MCF2: variants seen among roughly 807,000 people sequenced by gnomAD.
MCF2 encodes MCF.2 cell line derived transforming sequence.
In MCF2, 44 loss-of-function variants were observed where a neutral mutation model predicts 82.5. That is an observed-to-expected ratio of 0.53 (90% CI 0.42 to 0.69). The LOEUF (loss-of-function observed/expected upper bound fraction) is 0.69, where lower values mean the gene tolerates loss of function less well. MCF2 is among the 30% of genes least tolerant of loss of function. The pLI is 0.00. For missense variants in MCF2, 623 were observed against 663.1 expected (o/e 0.94, Z 0.66); for synonymous variants, 217 against 224.9 (o/e 0.96, Z 0.32).
intron 1 of MCF2, among the ~76,000 whole-genome samples, chrX:139,640,273 C>T (rs1933485903): frequency 8.9e-6 from 1 of 111,856 alleles, no homozygotes; most frequent in South Asian, 3.7e-4. Flanking sequence ...GAGATGCTGA[C>T]AGGCACTTGA....
intron 10 of MCF2, among the ~76,000 whole-genome samples, chrX:139,612,760 A>G (rs774844039): frequency 1.8e-5 from 2 of 111,852 alleles, no homozygotes; most frequent in South Asian, 7.5e-4. Context: ...GTTTTGATTT[A>G]ATTTACAAAG....
chrX:139,691,515 G>T (rs772546686), intron 1 of MCF2, among the ~76,000 whole-genome samples: 1 of 111,441 alleles, frequency 9.0e-6, no homozygotes, highest in African/African-American at 3.3e-5. Context: ...GTGAGAAGGG[G>T]ATAGGAGACC....
At position 139,623,353 on chromosome X, in the gene MCF2, T is replaced by C. The variant is rs1932543334; in HGVS notation, c.687+2840A>G. On this transcript the variant is annotated intron_variant, in intron 6 of 24. Transcript: ENST00000370576. Reference sequence around the variant, plus strand: ...AGGTGCCCATCAATGATGGACTGGATAAAGAAAATGTGGTACAAATACATC... The same window carrying C: ...AGGTGCCCATCAATGATGGACTGGACAAAGAAAATGTGGTACAAATACATC... Among the ~76,000 whole-genome samples, 2 of 111,367 alleles carry C rather than the reference T, an allele frequency of 1.8e-5. 1 individual carries two copies. The highest frequency in any genetic ancestry group is 7.6e-4 in the South Asian group (2 of 2,624).
chrX:139,617,671 G>A, exon 8 of MCF2: 1 of 1,193,044 alleles, frequency 8.4e-7, no homozygotes, highest in Non-Finnish European at 1.1e-6. Context: ...TTGTGTCCAT[G>A]TAATATCACA....
chrX:139,705,645 T>C (rs1935575653), intron 1 of MCF2, among the ~76,000 whole-genome samples: 1 of 112,404 alleles, frequency 8.9e-6, no homozygotes, highest in Non-Finnish European at 1.9e-5. Flanking sequence ...CTTTTCGACA[T>C]TGGCCTTGGT....
chrX:139,632,660 C>A (rs1376034212), intron 1 of MCF2, among the ~76,000 whole-genome samples: 1 of 111,599 alleles, frequency 9.0e-6, no homozygotes, highest in Non-Finnish European at 1.9e-5. Flanking sequence ...CAGATCCTTG[C>A]AACACTTCTG....
chrX:139,659,831 G>A (rs2148538146), intron 1 of MCF2, among the ~76,000 whole-genome samples: 1 of 112,133 alleles, frequency 8.9e-6, no homozygotes, highest in South Asian at 3.7e-4. Flanking sequence ...CCACCAATAT[G>A]AAAACAGACT....
At chrX:139,651,817 C>A (rs189399680) in intron 1 of MCF2, 29 bp from the exon 2 acceptor site, 1 of 930,087 alleles carries the variant, frequency 1.1e-6, no homozygotes, top group African/African-American at 2.0e-5. Flanking sequence ...GAAGAAATGA[C>A]ATACATGTTA....
chrX:139,653,351 C>A (rs1934094924), intron 1 of MCF2, among the ~76,000 whole-genome samples: 1 of 112,109 alleles, frequency 8.9e-6, no homozygotes, highest in African/African-American at 3.2e-5. Flanking sequence ...TAAAAATATT[C>A]CTACATAATA....
At position 139,616,275 on chromosome X, in the gene MCF2, C is replaced by T. The variant is rs1297721148; in HGVS notation, c.1191+7G>A. The T allele has an allele frequency of 4.9e-6, 5 of 1,021,653 alleles. No individual in the cohort carries two copies. Among genetic ancestry groups the T allele is most frequent in the Non-Finnish European group, 6.4e-6 (5 of 775,722 alleles). 84.2% of individuals were successfully genotyped at this position (1,021,653 alleles called of 1,213,427 possible). A position where few individuals can be genotyped will look rare whatever the true frequency, so the allele number is the denominator to read the frequency against. On this transcript the variant is annotated splice_region_variant and intron_variant, in intron 9 of 24. Coordinates refer to ENST00000370576, the Ensembl canonical transcript of MCF2. Reference sequence around the variant, plus strand: ...AAATATTTATTTGAAAATAAAAAAGCCTCTACCTTAAGCTCAGGAGATAAT... The same window carrying T: ...AAATATTTATTTGAAAATAAAAAAGTCTCTACCTTAAGCTCAGGAGATAAT...
At chrX:139,705,780 C>A (rs1935578339) in intron 1 of MCF2, among the ~76,000 whole-genome samples, 1 of 112,037 alleles carries the variant, frequency 8.9e-6, no homozygotes. Flanking sequence ...AACAGACAAC[C>A]TACAGAATGG....
exon 12 of MCF2, chrX:139,607,753 C>G (rs777148876): frequency 8.3e-7 from 1 of 1,203,406 alleles, no homozygotes; most frequent in African/African-American, 1.7e-5. Context: ...AACTTCTCTT[C>G]TCCTGACAAT....
intron 4 of MCF2, among the ~76,000 whole-genome samples, chrX:139,628,907 G>A (rs1457511454): frequency 1.8e-5 from 2 of 111,483 alleles, no homozygotes; most frequent in African/African-American, 6.5e-5. Flanking sequence ...GTCTACTGTA[G>A]GAAACATCAA....
chrX:139,583,016 A>C (rs1429728942), intron 24 of MCF2, among the ~76,000 whole-genome samples: 1 of 111,784 alleles, frequency 8.9e-6, no homozygotes, highest in African/African-American at 3.3e-5. Context: ...GACCCTTTCA[A>C]GGGGTCTGCA....
At chrX:139,587,882 C>A in intron 21 of MCF2, 94 bp from the exon 26 acceptor site, 1 of 507,862 alleles carries the variant, frequency 2.0e-6, no homozygotes, top group South Asian at 3.2e-5. Context: ...CACACACACA[C>A]ACACACACAC....
chrX:139,597,614 A>C (rs752440439), intron 17 of MCF2, 29 bp from the exon 22 acceptor site: 5 of 1,087,693 alleles, frequency 4.6e-6, no homozygotes, highest in Non-Finnish European at 3.7e-6. Flanking sequence ...AATTAATATT[A>C]GGCAGATATT....
intron 8 of MCF2, 77 bp downstream of exon 11, chrX:139,617,436 A>G: frequency 1.3e-6 from 1 of 768,487 alleles, no homozygotes; most frequent in Non-Finnish European, 1.8e-6. Flanking sequence ...ACAGGAGGGC[A>G]AGGTGCTTCA....
rs1047373502 is a variant in MCF2, at chrX:139,686,857, T to C, written c.-45+21249A>G. On this transcript the variant is annotated intron_variant, in intron 1 of 27. Transcript: ENST00000414978. ...TGGTTTCACTGCTTCCATCTTTGTC[T>C]GACCTTAATCCTATTCTCTACACAG... Among the ~76,000 whole-genome samples, 13 of 111,699 alleles carry C rather than the reference T, an allele frequency of 1.2e-4. No individual in the cohort carries two copies. The Admixed American group carries it at 1.2e-3, about 11-fold the overall frequency.
At chrX:139,673,056 G>T (rs895984960) in intron 1 of MCF2, among the ~76,000 whole-genome samples, 3 of 111,806 alleles carry the variant, frequency 2.7e-5, no homozygotes, top group Non-Finnish European at 5.6e-5. Context: ...GGGTGTATGT[G>T]TCGAGGAATT....
Sources: gnomAD v4.1 joint callset for allele counts (sites outside exome capture counted in the v4.1 genomes callset) on GRCh38, gnomAD v4.1.1 for gene constraint, MANE v1.5 for transcripts, NCBI Gene and HGNC (gene_info 2026-07-23, HGNC 2026-07-21) for gene names.